NR1H4: variants seen among roughly 807,000 people sequenced by gnomAD.
The protein encoded by NR1H4 is bile acid receptor.
NR1H4 carries 23 observed loss-of-function variants against 58.5 expected under a neutral mutation model. The ratio of observed to expected loss-of-function variants is 0.39; its 90% CI spans 0.28 to 0.56. The LOEUF (loss-of-function observed/expected upper bound fraction) is 0.56, where lower values mean the gene tolerates loss of function less well. Among genes scored for constraint, NR1H4 ranks in the 20% least tolerant of loss-of-function variants. The pLI, the probability that NR1H4 is intolerant of heterozygous loss-of-function variation, is 0.58. For synonymous variants in NR1H4, 214 were observed against 198.0 expected (o/e 1.08, Z -0.68); for missense variants, 487 against 576.9 (o/e 0.84, Z 1.60).
intron 2 of NR1H4, 26 bp downstream of exon 2, chr12:100,492,663 T>C (rs1953629882): frequency 6.6e-6 from 1 of 152,160 alleles, no homozygotes; most frequent in South Asian, 2.1e-4. Context: ...ATTTTTCTTC[T>C]TACTATATCT....
chr12:100,525,970 T>C (rs1408766858), intron 4 of NR1H4, among the ~76,000 whole-genome samples: 2 of 152,092 alleles, frequency 1.3e-5, no homozygotes, highest in African/African-American at 4.8e-5. Flanking sequence ...ACGATGGGCC[T>C]CTCCTTCATT....
chr12:100,510,984 C>G lies in NR1H4; in HGVS notation c.286C>G (p.Leu96Val), dbSNP rs998374907. The G allele has an allele frequency of 1.1e-5, 17 of 1,614,140 alleles. No homozygotes were observed. Among genetic ancestry groups the G allele is most frequent in the Admixed American group, 5.0e-5 (3 of 60,006 alleles). Residue 96 changes from leucine to valine, a missense_variant, in exon 4 of 11, where the codon CTC becomes GTC. Physicochemically the swap from Leu to Val is conservative, Grantham distance 32 (BLOSUM62 1). Coordinates refer to ENST00000392986, the MANE Select transcript of NR1H4 (RefSeq NM_001206979.2). ...ACTCAGGCGTATGCCAGCTGAGACT[C>G]TCTACCAGGGAGAAACTGAGGTAGC... The part of the protein sequence containing the change: ...YELRRMPAET[L>V]YQGETEVAEM...
intron 9 of NR1H4, among the ~76,000 whole-genome samples, chr12:100,549,107 C>T (rs1689413362): frequency 1.3e-5 from 2 of 152,132 alleles, no homozygotes; most frequent in Admixed American, 1.3e-4. Context: ...GGGAGGCCAA[C>T]GTGGGCAGAT....
Position 100,537,009 on chromosome 12 carries a change from A to G in NR1H4, c.893A>G (p.His298Arg), listed in dbSNP as rs886042563. The G allele has an allele frequency of 1.9e-6, 3 of 1,607,092 alleles. No homozygotes were observed. Among genetic ancestry groups the G allele is most frequent in the Non-Finnish European group, 2.5e-6 (3 of 1,176,982 alleles). ...FLILTEMATN[H>R]VQVLVEFTKK... ...ATTTTGACGGAAATGGCAACCAATC[A>G]TGTACAGGTTCTTGTAGAATTCACA... is the stretch of plus-strand genomic sequence containing the variant. Residue 298 changes from histidine (H) to arginine (R), a missense_variant, in exon 8 of 11, where the codon CAT becomes CGT. Physicochemically the swap from His to Arg is conservative, Grantham distance 29. Coordinates refer to ENST00000392986, the MANE Select transcript of NR1H4 (RefSeq NM_001206979.2).
intron 4 of NR1H4, 110 bp from the exon 5 acceptor site, chr12:100,532,348 G>A (rs1427148873): frequency 2.0e-6 from 2 of 976,636 alleles, no homozygotes; most frequent in Non-Finnish European, 3.3e-6. Flanking sequence ...TGGCCTGGGT[G>A]CTCTCCAGCA....
chr12:100,499,999 A>G (rs1953798606), intron 3 of NR1H4: 4 of 455,696 alleles, frequency 8.8e-6, no homozygotes, highest in Non-Finnish European at 1.8e-5. Context: ...TGCCACTAAA[A>G]TTCACTCTCA....
At chr12:100,553,117 GCCT>G (rs1240366404) in intron 9 of NR1H4, among the ~76,000 whole-genome samples, 1 of 152,064 alleles carries the variant, frequency 6.6e-6, no homozygotes, top group African/African-American at 2.4e-5. Flanking sequence ...TCCTGCCTCA[GCCT>G]CCTGAGTAGC....
intron 4 of NR1H4, among the ~76,000 whole-genome samples, chr12:100,520,003 A>T (rs1294980551): frequency 2.0e-5 from 3 of 152,108 alleles, no homozygotes; most frequent in Non-Finnish European, 4.4e-5. Flanking sequence ...TAGTGAATGG[A>T]GGAATGAGGA....
chr12:100,532,779 G>A (rs1256227841), intron 5 of NR1H4, among the ~76,000 whole-genome samples, 169 bp downstream of exon 5: 1 of 152,130 alleles, frequency 6.6e-6, no homozygotes, highest in Non-Finnish European at 1.5e-5. Flanking sequence ...GTCAACTAAA[G>A]AGCATTTTAG....
rs753189358 is a variant in NR1H4 at position 100,563,444 on chromosome 12, C to T, written c.1386C>T (p.Asp462=). The change falls in exon 11 of 11, where the codon GAC becomes GAT. Residue 462 remains aspartate, a synonymous_variant. Coordinates refer to ENST00000392986, the MANE Select transcript of NR1H4 (RefSeq NM_001206979.2). ...TGCTGATGTCATGGAGAGTAAACGA[C>T]CACAAGTTTACCCCACTTCTCTGTG... ...AEMLMSWRVN[D]HKFTPLLCEI... is the part of the protein sequence containing the mutation. 6 of 1,614,114 alleles carry T rather than the reference C, an allele frequency of 3.7e-6. No homozygotes were observed. The highest frequency in any genetic ancestry group is 2.7e-5 in the African/African-American group (2 of 75,012).
intron 3 of NR1H4, among the ~76,000 whole-genome samples, chr12:100,495,413 A>G: frequency 6.6e-6 from 1 of 152,086 alleles, no homozygotes; most frequent in Middle Eastern, 3.2e-3. Context: ...TCTTTCCCCT[A>G]GGCCCTCAGT....
At chr12:100,509,373 T>C (rs1010026537) in intron 3 of NR1H4, among the ~76,000 whole-genome samples, 1 of 152,234 alleles carries the variant, frequency 6.6e-6, no homozygotes, top group Non-Finnish European at 1.5e-5. Flanking sequence ...TTCCAGGAAA[T>C]AGAAGCATTT....
At chr12:100,538,371 G>A (rs1162375761) in intron 8 of NR1H4, among the ~76,000 whole-genome samples, 2 of 152,188 alleles carry the variant, frequency 1.3e-5, no homozygotes, top group African/African-American at 4.8e-5. Flanking sequence ...AGCAATAGCA[G>A]TGGGGAAGAG....
intron 9 of NR1H4, among the ~76,000 whole-genome samples, chr12:100,549,290 A>G (rs1285241803): frequency 3.3e-5 from 5 of 152,306 alleles, no homozygotes; most frequent in African/African-American, 9.6e-5. Context: ...ATGAGCACAG[A>G]TAGTGCCACT....
chr12:100,488,887 T>C (rs1953549903), intron 1 of NR1H4, among the ~76,000 whole-genome samples: 1 of 152,152 alleles, frequency 6.6e-6, no homozygotes, highest in Admixed American at 6.5e-5. Context: ...ACCCAAAAAG[T>C]GTGTTGAAGG....
At chr12:100,534,500 GGA>G (rs1193670857) in intron 5 of NR1H4, among the ~76,000 whole-genome samples, 4 of 152,244 alleles carry the variant, frequency 2.6e-5, no homozygotes, top group African/African-American at 9.6e-5. Flanking sequence ...GCAGGAACAG[GGA>G]GAGTGTCATT....
At chr12:100,527,613 C>A (rs766304509) in intron 4 of NR1H4, among the ~76,000 whole-genome samples, 3 of 152,196 alleles carry the variant, frequency 2.0e-5, no homozygotes, top group Non-Finnish European at 4.4e-5. Context: ...CTCTGCAGGA[C>A]CTTGAGCAAA....
rs531598654 is a variant in NR1H4, at chr12:100,518,057, CT to C, written c.445+6915del. On this transcript the variant is annotated intron_variant, in intron 4 of 10. Coordinates refer to ENST00000392986, the MANE Select transcript of NR1H4 (RefSeq NM_001206979.2). ...TTAGCTGTTAAAGAATCAGTAGTGTCTAAGCCAAGGGAATGAATCCCTAAAG... is the reference window on the plus strand; with the variant it reads ...TTAGCTGTTAAAGAATCAGTAGTGTCAAGCCAAGGGAATGAATCCCTAAAG... Among the ~76,000 whole-genome samples, 18 of 152,346 alleles carry C rather than the reference CT, an allele frequency of 1.2e-4. No individual in the cohort carries two copies. The East Asian group carries it at 3.5e-3, about 29-fold the overall frequency.
intron 4 of NR1H4, among the ~76,000 whole-genome samples, chr12:100,523,750 T>C (rs1426570439): frequency 6.6e-6 from 1 of 152,198 alleles, no homozygotes; most frequent in African/African-American, 2.4e-5. Context: ...ACTCTCCCTC[T>C]TCCTATTAGT....
Sources: gnomAD v4.1 joint callset for allele counts (sites outside exome capture counted in the v4.1 genomes callset) on GRCh38, gnomAD v4.1.1 for gene constraint, MANE v1.5 for transcripts, NCBI Gene and HGNC (gene_info 2026-07-23, HGNC 2026-07-21) for gene names.